CDH22: variants seen among roughly 807,000 people sequenced by gnomAD.
CDH22 encodes cadherin 22.
A neutral mutation model predicts 58.4 loss-of-function variants in CDH22; 30 were observed. The ratio of observed to expected loss-of-function variants is 0.51; its 90% CI spans 0.38 to 0.70. The LOEUF is 0.70. Among genes scored for constraint, CDH22 ranks in the 30% least tolerant of loss-of-function variants. The pLI is 0.00. For missense variants in CDH22, 1,014 were observed against 1,233.9 expected (o/e 0.82, Z 2.67); for synonymous variants, 513 against 558.2 (o/e 0.92, Z 1.14).
intron 1 of CDH22, among the ~76,000 whole-genome samples, chr20:46,303,088 A>G (rs1267462265): frequency 3.3e-5 from 5 of 152,188 alleles, no homozygotes; most frequent in Admixed American, 2.6e-4. Flanking sequence ...CTCGGGATGA[A>G]GGCCAAGCTC....
intron 7 of CDH22, among the ~76,000 whole-genome samples, chr20:46,207,093 T>C (rs563894521): frequency 8.5e-5 from 13 of 152,286 alleles, no homozygotes; most frequent in Non-Finnish European, 1.5e-4. Context: ...GCTCAGGGCC[T>C]GGCATGGAGG....
At chr20:46,253,180 T>C (rs1032231852) in intron 1 of CDH22, among the ~76,000 whole-genome samples, 1 of 152,232 alleles carries the variant, frequency 6.6e-6, no homozygotes, top group African/African-American at 2.4e-5. Flanking sequence ...AGCATCACAG[T>C]GGGCAATGCC....
intron 10 of CDH22, among the ~76,000 whole-genome samples, chr20:46,181,686 C>A (rs893506536): frequency 2.2e-5 from 3 of 139,478 alleles, no homozygotes; most frequent in Admixed American, 7.3e-5. Context: ...TTTCCTTTCC[C>A]TCTTTCTTTT....
At chr20:46,223,414 C>T (rs2086140433) in intron 4 of CDH22, among the ~76,000 whole-genome samples, 1 of 152,172 alleles carries the variant, frequency 6.6e-6, no homozygotes, top group Non-Finnish European at 1.5e-5. Context: ...GTCCCCACCT[C>T]CTCAGGCTGA....
chr20:46,297,222 T>G (rs2086632758), intron 1 of CDH22, among the ~76,000 whole-genome samples: 1 of 149,614 alleles, frequency 6.7e-6, no homozygotes, highest in South Asian at 2.1e-4. Context: ...AGTGAGGAGG[T>G]CAGGGCTCTG....
chr20:46,190,701 G>A (rs969209671), intron 8 of CDH22, among the ~76,000 whole-genome samples: 4 of 152,208 alleles, frequency 2.6e-5, no homozygotes, highest in Non-Finnish European at 4.4e-5. Flanking sequence ...TTGACAGCCC[G>A]GGGCTGAGCA....
At chr20:46,283,692 G>A (rs2086561189) in intron 1 of CDH22, among the ~76,000 whole-genome samples, 1 of 151,178 alleles carries the variant, frequency 6.6e-6, no homozygotes, top group Non-Finnish European at 1.5e-5. Flanking sequence ...CCCTGATTCT[G>A]AGTTGGATGT....
chr20:46,290,538 C>T (rs117518260), intron 1 of CDH22, among the ~76,000 whole-genome samples: 24 of 152,272 alleles, frequency 1.6e-4, no homozygotes, highest in Admixed American at 4.6e-4. Context: ...CCAAGTGGGC[C>T]AGGAGTCAGG....
At chr20:46,258,305 C>T (rs938039098) in intron 1 of CDH22, among the ~76,000 whole-genome samples, 4 of 152,086 alleles carry the variant, frequency 2.6e-5, no homozygotes, top group Admixed American at 6.5e-5. Flanking sequence ...ACCCCCCAAC[C>T]GCATCCCAGT....
chr20:46,256,838 A>C (rs1244964622), intron 1 of CDH22, among the ~76,000 whole-genome samples: 2 of 151,958 alleles, frequency 1.3e-5, no homozygotes, highest in Non-Finnish European at 2.9e-5. Flanking sequence ...CTGTCTCTAC[A>C]AAAAACTATT....
rs539354986 is a variant in CDH22, at chr20:46,251,507, C to G, written c.-213G>C. The G allele has an allele frequency of 3.2e-4, 132 of 416,668 alleles. No homozygotes were observed. The highest frequency in any genetic ancestry group is 2.9e-3 in the South Asian group (31 of 10,654). The allele number at this position is 416,668 out of a possible 1,614,324, so 25.8% of individuals were successfully genotyped here. A position where few individuals can be genotyped will look rare whatever the true frequency, so the allele number is the denominator to read the frequency against. On this transcript the variant is annotated 5_prime_UTR_variant, in exon 2 of 12. An upstream start codon of the reference 5' UTR is lost. Transcript: ENST00000537909. This position sits in a 1 kb window ranked among gnomAD's most constrained non-coding sequence, Gnocchi z 6.7. ...GCTGGAGGGGGAGGGGGCGCGGCCG[C>G]ATCCGGGGCATGGACAGCCCCCGGG... is the stretch of plus-strand genomic sequence containing the variant.
At chr20:46,195,579 C>T (rs1446721929) in intron 8 of CDH22, among the ~76,000 whole-genome samples, 9 of 151,998 alleles carry the variant, frequency 5.9e-5, no homozygotes, top group Admixed American at 2.6e-4. Context: ...TTGGCACTCC[C>T]GCCTCCCAGT....
At chr20:46,195,459 A>C (rs1394812224) in intron 8 of CDH22, among the ~76,000 whole-genome samples, 3 of 152,162 alleles carry the variant, frequency 2.0e-5, no homozygotes, top group Non-Finnish European at 2.9e-5. Flanking sequence ...CCAGATGGGG[A>C]AGCTTCTGGC....
chr20:46,179,370 C>T (rs1325547523), intron 10 of CDH22, among the ~76,000 whole-genome samples: 1 of 152,156 alleles, frequency 6.6e-6, no homozygotes, highest in Non-Finnish European at 1.5e-5. Flanking sequence ...TGCTTCGTGG[C>T]CCCAGTTAAC....
At chr20:46,244,456 T>C (rs2086314184) in intron 2 of CDH22, among the ~76,000 whole-genome samples, 1 of 152,200 alleles carries the variant, frequency 6.6e-6, no homozygotes. Flanking sequence ...TAGGAAGATA[T>C]TTCTCAGGAC....
At chr20:46,208,383 T>C (rs992239390) in intron 7 of CDH22, among the ~76,000 whole-genome samples, 13 of 152,206 alleles carry the variant, frequency 8.5e-5, no homozygotes, top group Non-Finnish European at 1.6e-4. Context: ...CTTGCCTGTG[T>C]CTGTGTCTAT....
chr20:46,307,184 G>A (rs2086681671), intron 1 of CDH22, among the ~76,000 whole-genome samples: 8 of 152,208 alleles, frequency 5.3e-5, no homozygotes, highest in Admixed American at 5.2e-4. Context: ...CGAGCACCTC[G>A]GAAGACCTGA....
At chr20:46,189,455 T>G (rs1271781502) in intron 8 of CDH22, among the ~76,000 whole-genome samples, 1 of 151,990 alleles carries the variant, frequency 6.6e-6, no homozygotes, top group Non-Finnish European at 1.5e-5. Context: ...TGAGTGCCCT[T>G]ACAGGGCCCT....
chr20:46,301,853 A>G (rs1428502413), intron 1 of CDH22, among the ~76,000 whole-genome samples: 1 of 152,206 alleles, frequency 6.6e-6, no homozygotes, highest in Admixed American at 6.5e-5. Context: ...CTTGAGTGAT[A>G]AAGAAACAAC....
Sources: allele counts gnomAD v4.1 joint callset (sites outside exome capture counted in the v4.1 genomes callset), GRCh38; gene constraint gnomAD v4.1.1; non-coding constraint Gnocchi (gnomAD v3.1); transcripts MANE v1.5; gene names NCBI Gene and HGNC (gene_info 2026-07-23, HGNC 2026-07-21).